Variants in SOBP observed in about 807,000 individuals in gnomAD.
SOBP encodes the protein sine oculis binding protein homolog.
A neutral mutation model predicts 53.6 loss-of-function variants in SOBP; 4 were observed. The ratio of observed to expected loss-of-function variants is 0.07; its 90% CI spans 0.04 to 0.17. The LOEUF (loss-of-function observed/expected upper bound fraction) is 0.17. Ranked by LOEUF, SOBP falls within the 10% of genes least tolerant of loss-of-function variation. The pLI, the probability that SOBP is intolerant of heterozygous loss-of-function variation, is 1.00. For synonymous variants in SOBP, 584 were observed against 522.6 expected (o/e 1.12, Z -1.60); for missense variants, 1,088 against 1,204.7 (o/e 0.90, Z 1.43).
chr6:107,535,756 C>T (rs1783979597), intron 4 of SOBP, among the ~76,000 whole-genome samples: 2 of 151,750 alleles, frequency 1.3e-5, no homozygotes, highest in Non-Finnish European at 2.9e-5. Context: ...TAAACATGTA[C>T]AGCTGCTGCA....
At chr6:107,507,290 A>T (rs1783024176) in intron 3 of SOBP, among the ~76,000 whole-genome samples, 1 of 151,538 alleles carries the variant, frequency 6.6e-6, no homozygotes, top group African/African-American at 2.4e-5. Flanking sequence ...ACATCATGAG[A>T]TTTTTTTTGA....
rs759385283 is a variant in SOBP at position 107,559,193 on chromosome 6, T to TA, written c.573+25593dup. On this transcript the variant is annotated intron_variant, in intron 4 of 6. Coordinates refer to ENST00000317357, the MANE Select transcript of SOBP (RefSeq NM_018013.4). ...TTGTTAACCAAATAAGATTAAATGTTAAAAAAAAAAGCTAGCTTATAAACG... is the reference window on the plus strand; with the variant it reads ...TTGTTAACCAAATAAGATTAAATGTTAAAAAAAAAAAGCTAGCTTATAAACG... Among the ~76,000 whole-genome samples the TA allele has an allele frequency of 5.4e-3, 809 of 149,006 alleles. 3 individuals carry two copies. Among genetic ancestry groups the TA allele is most frequent in the Non-Finnish European group, 7.3e-3 (490 of 66,992 alleles).
intron 2 of SOBP, among the ~76,000 whole-genome samples, chr6:107,505,064 G>A (rs542271898): frequency 2.0e-5 from 3 of 152,236 alleles, no homozygotes; most frequent in South Asian, 2.1e-4. Context: ...AGCTCATATC[G>A]TTGTAAGTTT....
At chr6:107,498,171 T>C (rs191152941) in intron 1 of SOBP, among the ~76,000 whole-genome samples, 1 of 152,300 alleles carries the variant, frequency 6.6e-6, no homozygotes, top group Admixed American at 6.5e-5. Context: ...GTAACTTACA[T>C]TGTTTTTGGA....
At chr6:107,653,400 C>T (rs947394530) in intron 6 of SOBP, among the ~76,000 whole-genome samples, 6 of 152,332 alleles carry the variant, frequency 3.9e-5, no homozygotes, top group African/African-American at 7.2e-5. Context: ...AGATAAACAG[C>T]GTTGCCGCAG....
chr6:107,498,581 CAGAA>C (rs1419070609), intron 1 of SOBP, among the ~76,000 whole-genome samples: 1 of 151,358 alleles, frequency 6.6e-6, no homozygotes, highest in Non-Finnish European at 1.5e-5. Context: ...CACAGCTCCT[CAGAA>C]AGAAAAAAAA....
At chr6:107,641,915 G>C (rs1771341185) in intron 6 of SOBP, among the ~76,000 whole-genome samples, 1 of 152,186 alleles carries the variant, frequency 6.6e-6, no homozygotes, top group African/African-American at 2.4e-5. Context: ...AAAGGGACGG[G>C]GGTGGCCATG....
intron 5 of SOBP, among the ~76,000 whole-genome samples, chr6:107,602,595 G>C (rs982314428): frequency 4.2e-5 from 5 of 118,436 alleles, no homozygotes. Context: ...AAAGGAAAGG[G>C]AAAGGAAAGG....
intron 4 of SOBP, among the ~76,000 whole-genome samples, chr6:107,581,599 G>T (rs1785404152): frequency 6.6e-6 from 1 of 152,200 alleles, no homozygotes. Flanking sequence ...ATACTGAAAG[G>T]CAGTGTGTGA....
At chr6:107,653,609 A>G (rs1771898328) in intron 6 of SOBP, among the ~76,000 whole-genome samples, 1 of 152,212 alleles carries the variant, frequency 6.6e-6, no homozygotes. Context: ...CTTGCCTTCT[A>G]AATGAGGAAG....
intron 5 of SOBP, among the ~76,000 whole-genome samples, chr6:107,609,702 T>C (rs530557126): frequency 1.2e-4 from 19 of 152,242 alleles, no homozygotes; most frequent in African/African-American, 3.6e-4. Flanking sequence ...AGCTCCGTTA[T>C]GCATAAGGAG....
At chr6:107,580,088 G>GA (rs975222563) in intron 4 of SOBP, among the ~76,000 whole-genome samples, 1 of 152,222 alleles carries the variant, frequency 6.6e-6, no homozygotes, top group Admixed American at 6.5e-5. Flanking sequence ...ACAAGCAGGT[G>GA]AAAGGGAGGG....
At chr6:107,625,957 A>T (rs958195576) in intron 5 of SOBP, among the ~76,000 whole-genome samples, 3 of 152,170 alleles carry the variant, frequency 2.0e-5, no homozygotes, top group East Asian at 3.8e-4. Context: ...TACAAGTACA[A>T]CCCAAAGTCC....
At chr6:107,586,680 A>G (rs1372093093) in intron 4 of SOBP, among the ~76,000 whole-genome samples, 1 of 152,170 alleles carries the variant, frequency 6.6e-6, no homozygotes, top group African/African-American at 2.4e-5. Flanking sequence ...TGGCCTTGCT[A>G]TTAGAATTTT....
At chr6:107,543,339 T>C (rs1282802089) in intron 4 of SOBP, among the ~76,000 whole-genome samples, 2 of 152,150 alleles carry the variant, frequency 1.3e-5, no homozygotes, top group East Asian at 3.9e-4. Flanking sequence ...GCTACACACT[T>C]TCTTGTTGAC....
At chr6:107,623,692 T>G (rs992511506) in intron 5 of SOBP, among the ~76,000 whole-genome samples, 3 of 152,242 alleles carry the variant, frequency 2.0e-5, no homozygotes, top group Middle Eastern at 3.4e-3. Context: ...TGGGAAAGGG[T>G]TTCTGATTTC....
At chr6:107,577,811 T>C (rs1008999176) in intron 4 of SOBP, among the ~76,000 whole-genome samples, 21 of 152,136 alleles carry the variant, frequency 1.4e-4, no homozygotes, top group East Asian at 3.9e-4. Flanking sequence ...TGGTTGCTCA[T>C]GCCTGTAATC....
intron 6 of SOBP, among the ~76,000 whole-genome samples, chr6:107,656,210 C>T (rs1189251673): frequency 1.3e-5 from 2 of 152,014 alleles, no homozygotes; most frequent in Admixed American, 1.3e-4. Context: ...TTTGTGGCCT[C>T]ACATTTGATA....
intron 6 of SOBP, among the ~76,000 whole-genome samples, chr6:107,643,564 G>T (rs543652117): frequency 3.3e-5 from 5 of 151,978 alleles, no homozygotes; most frequent in Admixed American, 2.0e-4. Context: ...TTACAGGCGC[G>T]CACCACCATG....
Sources: allele counts gnomAD v4.1 joint callset (sites outside exome capture counted in the v4.1 genomes callset), GRCh38; gene constraint gnomAD v4.1.1; transcripts MANE v1.5; gene names NCBI Gene and HGNC (gene_info 2026-07-23, HGNC 2026-07-21).